Variants in RGS6 observed in about 807,000 individuals in gnomAD.
RGS6 encodes regulator of G protein signaling 6, also known as regulator of G-protein signaling 6.
In RGS6, 30 loss-of-function variants were observed where a neutral mutation model predicts 78.5. The ratio of observed to expected loss-of-function variants is 0.38; its 90% confidence interval spans 0.29 to 0.52. The LOEUF is 0.52. Ranked by LOEUF, RGS6 falls within the 20% of genes least tolerant of loss-of-function variation. The pLI, the probability that RGS6 is intolerant of heterozygous loss-of-function variation, is 0.85. For missense variants in RGS6, 495 were observed against 609.7 expected (o/e 0.81, Z 1.98); for synonymous variants, 206 against 206.0 (o/e 1.00, Z 0.00).
At chr14:72,553,986 TAA>T (rs2097539062) in intron 17 of RGS6, among the ~76,000 whole-genome samples, 1 of 152,242 alleles carries the variant, frequency 6.6e-6, no homozygotes, top group Non-Finnish European at 1.5e-5. Flanking sequence ...TCCAATGACC[TAA>T]GTTTCTGTCC....
At chr14:72,260,473 A>G (rs1290533492) in intron 2 of RGS6, among the ~76,000 whole-genome samples, 6 of 152,260 alleles carry the variant, frequency 3.9e-5, no homozygotes, top group Non-Finnish European at 8.8e-5. Flanking sequence ...ACCAGCCACC[A>G]TCACAGCTCT....
chr14:72,224,909 G>C (rs1230145542), intron 2 of RGS6, among the ~76,000 whole-genome samples: 1 of 152,102 alleles, frequency 6.6e-6, no homozygotes, highest in African/African-American at 2.4e-5. Context: ...AAAAATGGAT[G>C]AAAGCAAAAC....
At chr14:72,064,482 G>T (rs568358299) in intron 2 of RGS6, among the ~76,000 whole-genome samples, 1 of 152,326 alleles carries the variant, frequency 6.6e-6, no homozygotes, top group African/African-American at 2.4e-5. Flanking sequence ...AACTCATTTT[G>T]TACCAGGGTA....
At chr14:72,296,047 A>G (rs1212622296) in intron 2 of RGS6, among the ~76,000 whole-genome samples, 8 of 152,336 alleles carry the variant, frequency 5.3e-5, no homozygotes, top group South Asian at 2.1e-4. Flanking sequence ...AGAAGCAATC[A>G]CAGATGTGAT....
intron 2 of RGS6, among the ~76,000 whole-genome samples, chr14:71,983,990 C>T (rs1304463079): frequency 6.6e-6 from 1 of 152,194 alleles, no homozygotes; most frequent in Non-Finnish European, 1.5e-5. Context: ...GCGTGGCACA[C>T]AGTCTCTGTC....
the RGS6 span, among the ~76,000 whole-genome samples, chr14:72,596,002 A>C: frequency 6.6e-6 from 1 of 152,206 alleles, no homozygotes; most frequent in Non-Finnish European, 1.5e-5. Flanking sequence ...TAGCCTAAGA[A>C]GACACTCAGG....
At chr14:72,097,206 C>T (rs1025157873) in intron 2 of RGS6, among the ~76,000 whole-genome samples, 1 of 152,138 alleles carries the variant, frequency 6.6e-6, no homozygotes. Flanking sequence ...ACAAAACATG[C>T]AACAATTCCA....
chr14:72,402,790 G>GTTTTTTTTTT (rs1167831473), intron 3 of RGS6, among the ~76,000 whole-genome samples: 19 of 75,798 alleles, frequency 2.5e-4, no homozygotes, highest in African/African-American at 5.5e-4. Flanking sequence ...TGTTTTTTTG[G>GTTTTTTTTTT]TTTTTTTTTT....
At chr14:72,065,757 A>G (rs1156503715) in intron 2 of RGS6, among the ~76,000 whole-genome samples, 1 of 151,796 alleles carries the variant, frequency 6.6e-6, no homozygotes, top group East Asian at 1.9e-4. Flanking sequence ...GGCCCTCATT[A>G]TTTTATTTTA....
intron 3 of RGS6, among the ~76,000 whole-genome samples, chr14:72,374,023 A>G (rs1469449311): frequency 1.3e-5 from 2 of 152,180 alleles, no homozygotes; most frequent in African/African-American, 4.8e-5. Flanking sequence ...GATATTTTTA[A>G]AAAGGCTATC....
chr14:72,279,807 A>G (rs1028973023), intron 2 of RGS6, among the ~76,000 whole-genome samples: 2 of 152,166 alleles, frequency 1.3e-5, no homozygotes, highest in Non-Finnish European at 2.9e-5. Flanking sequence ...TGCCTTTATT[A>G]AGTATAGGGT....
chr14:72,085,217 G>A (rs2094979120), intron 2 of RGS6, among the ~76,000 whole-genome samples: 1 of 152,130 alleles, frequency 6.6e-6, no homozygotes, highest in African/African-American at 2.4e-5. Flanking sequence ...AACATTTATC[G>A]ACCACTTTCT....
intron 2 of RGS6, among the ~76,000 whole-genome samples, chr14:72,132,651 T>A (rs142966807): frequency 2.6e-5 from 4 of 152,244 alleles, no homozygotes; most frequent in East Asian, 1.9e-4. Flanking sequence ...CTTCACACAC[T>A]CTTTTTTTTT....
chr14:72,421,498 C>G (rs1354471275), intron 3 of RGS6: 1 of 152,232 alleles, frequency 6.6e-6, no homozygotes, highest in African/African-American at 2.4e-5. Flanking sequence ...ACTGCCTCCC[C>G]ACCCCAGGCT....
intron 2 of RGS6, among the ~76,000 whole-genome samples, chr14:72,103,061 C>G (rs2153529036): frequency 6.6e-6 from 1 of 152,246 alleles, no homozygotes. Context: ...GAATTTGAGA[C>G]CTCCGTTATT....
intron 3 of RGS6, among the ~76,000 whole-genome samples, chr14:72,445,722 G>T (rs1014761322): frequency 2.6e-5 from 4 of 152,200 alleles, no homozygotes; most frequent in Non-Finnish European, 4.4e-5. Context: ...CCCCAACTCT[G>T]TACCAGATGT....
the RGS6 span, among the ~76,000 whole-genome samples, chr14:71,900,720 G>GT: frequency 1.3e-4 from 20 of 152,116 alleles, no homozygotes; most frequent in South Asian, 2.1e-4. Flanking sequence ...GTGTTAGGCT[G>GT]TTTTTTTATT....
chr14:72,331,368 G>A (rs2074993728), intron 2 of RGS6, among the ~76,000 whole-genome samples: 1 of 152,212 alleles, frequency 6.6e-6, no homozygotes, highest in Non-Finnish European at 1.5e-5. Context: ...AATAAACTAA[G>A]CCAACAGACT....
At chr14:71,883,857 T>C in the RGS6 span, among the ~76,000 whole-genome samples, 1 of 151,452 alleles carries the variant, frequency 6.6e-6, no homozygotes, top group Admixed American at 6.6e-5. Flanking sequence ...TGGTCTAAAA[T>C]GGGGAAGTAT....
Sources: allele counts gnomAD v4.1 joint callset (sites outside exome capture counted in the v4.1 genomes callset), GRCh38; gene constraint gnomAD v4.1.1; transcripts MANE v1.5; gene names NCBI Gene and HGNC (gene_info 2026-07-23, HGNC 2026-07-21).